ZNF469: variants seen among roughly 807,000 people sequenced by gnomAD.
The protein encoded by ZNF469 is zinc finger protein 469.
ZNF469 carries 1 observed loss-of-function variant against 1.0 expected under a neutral mutation model. The observed-to-expected ratio is 1.00, with a 90% CI of 0.35 to 4.73. The LOEUF (loss-of-function observed/expected upper bound fraction) is 4.73, where lower values mean the gene tolerates loss of function less well. Ranked by LOEUF, ZNF469 falls within the 30% of genes most tolerant of loss-of-function variation. The probability of loss-of-function intolerance (pLI) is 0.16; values close to 1 mark genes in which losing one functional copy is unlikely to be tolerated. For synonymous variants in ZNF469, 2,703 were observed against 2,363.4 expected, an observed-to-expected ratio of 1.14 and a Z score of -4.17; for missense variants, 6,100 against 5,356.3, an observed-to-expected ratio of 1.14 and a Z score of -4.33.
chr16:88,162,603 T>A, the ZNF469 span, among the ~76,000 whole-genome samples: 1 of 152,134 alleles, frequency 6.6e-6, no homozygotes, highest in Non-Finnish European at 1.5e-5. Flanking sequence ...TAAAAATAAA[T>A]ACACACAAAT....
chr16:88,427,974 G>T lies in ZNF469; in HGVS notation c.504G>T (p.Arg168Ser). The change falls in exon 3 of 3, where the codon AGG becomes AGT. Residue 168 changes from arginine to serine, a missense_variant. Coordinates refer to ENST00000565624, the MANE Select transcript of ZNF469 (RefSeq NM_001367624.2). ...TGAPLRPGLP[R>S]TEAQPAAEEL... ...CTCCACTCAGGCCGGGCCTCCCAAG[G>T]ACTGAGGCCCAACCCGCCGCCGAAG... 6.5e-7 allele frequency: 1 copy of T among 1,549,942 alleles called. No homozygotes were observed. Among genetic ancestry groups the T allele is most frequent in the Non-Finnish European group, 8.7e-7 (1 of 1,146,864 alleles).
intron 1 of ZNF469, among the ~76,000 whole-genome samples, chr16:88,387,953 G>T (rs1363035740): frequency 2.0e-5 from 3 of 152,204 alleles, no homozygotes; most frequent in Non-Finnish European, 4.4e-5. Context: ...TCAGAGCTCT[G>T]GGGCCAAGCT....
the ZNF469 span, among the ~76,000 whole-genome samples, chr16:88,258,792 G>A: frequency 6.6e-6 from 1 of 152,196 alleles, no homozygotes; most frequent in Non-Finnish European, 1.5e-5. Flanking sequence ...TCTGGCAGTG[G>A]GAGGTGTACA....
chr16:88,193,069 G>A, the ZNF469 span, among the ~76,000 whole-genome samples: 1 of 129,358 alleles, frequency 7.7e-6, no homozygotes, highest in Non-Finnish European at 1.7e-5. Flanking sequence ...GGTGGTGATG[G>A]TGGTGGTGGT....
the ZNF469 span, among the ~76,000 whole-genome samples, chr16:88,130,706 C>CAA: frequency 6.7e-3 from 690 of 103,402 alleles, 9 homozygotes; most frequent in African/African-American, 0.021. Context: ...AACTCTGTGT[C>CAA]AAAAAAAAAA....
At chr16:88,169,710 C>G in the ZNF469 span, among the ~76,000 whole-genome samples, 12 of 152,350 alleles carry the variant, frequency 7.9e-5, no homozygotes, top group African/African-American at 2.9e-4. The surrounding 1 kb of genome is among the most constrained non-coding windows in gnomAD (Gnocchi z 6.1). Flanking sequence ...CCGTCTGCCC[C>G]TCCGTCCCAG....
At chr16:88,198,321 G>A in the ZNF469 span, among the ~76,000 whole-genome samples, 1 of 152,232 alleles carries the variant, frequency 6.6e-6, no homozygotes, top group African/African-American at 2.4e-5. Flanking sequence ...GGACTTTGGA[G>A]CAGGGGCCTG....
At chr16:88,284,076 C>G in the ZNF469 span, among the ~76,000 whole-genome samples, 26 of 39,386 alleles carry the variant, frequency 6.6e-4, 1 homozygote, top group Non-Finnish European at 1.3e-3. Context: ...CCAGTGTGCC[C>G]GAGGTCTGCG....
intron 1 of ZNF469, among the ~76,000 whole-genome samples, chr16:88,385,857 G>A (rs2092535720): frequency 1.3e-5 from 2 of 152,144 alleles, no homozygotes. Context: ...GGGACGGGCT[G>A]GTGTGTGGAG....
intron 1 of ZNF469, among the ~76,000 whole-genome samples, chr16:88,411,880 T>G (rs1311659597): frequency 2.4e-5 from 2 of 84,636 alleles, no homozygotes; most frequent in East Asian, 7.3e-4. Flanking sequence ...CCTTCAGCAT[T>G]CTGGGGGCCT....
the ZNF469 span, among the ~76,000 whole-genome samples, chr16:88,148,855 G>C: frequency 5.3e-5 from 8 of 152,160 alleles, no homozygotes; most frequent in African/African-American, 1.9e-4. Context: ...GTGTGGCCAT[G>C]ACCTCTTGTG....
At chr16:88,309,297 G>A in the ZNF469 span, among the ~76,000 whole-genome samples, 1 of 152,256 alleles carries the variant, frequency 6.6e-6, no homozygotes, top group African/African-American at 2.4e-5. Flanking sequence ...GTGGTGGCCA[G>A]CCCTACAGGG....
At chr16:88,325,049 T>C in the ZNF469 span, among the ~76,000 whole-genome samples, 1 of 152,006 alleles carries the variant, frequency 6.6e-6, no homozygotes, top group Non-Finnish European at 1.5e-5. Flanking sequence ...GGAGGTGCCC[T>C]TGGGAAATAT....
the ZNF469 span, among the ~76,000 whole-genome samples, chr16:88,146,353 T>C: frequency 6.6e-6 from 1 of 152,118 alleles, no homozygotes; most frequent in African/African-American, 2.4e-5. Flanking sequence ...GCCTGCTCCA[T>C]TTATTAAATC....
chr16:88,265,538 G>A, the ZNF469 span, among the ~76,000 whole-genome samples: 1 of 152,214 alleles, frequency 6.6e-6, no homozygotes, highest in Non-Finnish European at 1.5e-5. Flanking sequence ...ATCCGGCGGG[G>A]CCGGGTGCGT....
At chr16:88,106,895 CCAGCCT>C in the ZNF469 span, among the ~76,000 whole-genome samples, 7,376 of 152,318 alleles carry the variant, frequency 0.048, 572 homozygotes, top group African/African-American at 0.17. Context: ...GGCAGCAACG[CCAGCCT>C]CTCCAGGGTG....
chr16:88,433,396 G>C lies in ZNF469; in HGVS notation c.5926G>C (p.Gly1976Arg). 7 of 1,550,354 alleles carry C rather than the reference G, an allele frequency of 4.5e-6. No homozygotes were observed. Among genetic ancestry groups the C allele is most frequent in the Non-Finnish European group, 6.1e-6 (7 of 1,146,952 alleles). The part of the protein sequence containing the change: ...TLPAVAGHQL[G>R]LEADGHWGLL... Reference sequence around the variant, plus strand: ...CCCTGCAGTGGCCGGACATCAGCTGGGGCTGGAGGCAGATGGACATTGGGG... The same window carrying C: ...CCCTGCAGTGGCCGGACATCAGCTGCGGCTGGAGGCAGATGGACATTGGGG... Residue 1976 changes from glycine (G) to arginine (R), a missense_variant, in exon 3 of 3, where the codon GGG becomes CGG. Coordinates refer to ENST00000565624, the MANE Select transcript of ZNF469 (RefSeq NM_001367624.2).
At chr16:88,218,825 A>C in the ZNF469 span, among the ~76,000 whole-genome samples, 21 of 151,172 alleles carry the variant, frequency 1.4e-4, no homozygotes, top group African/African-American at 5.1e-4. Flanking sequence ...AGGAAGTCAA[A>C]TTGTCCCTGT....
chr16:88,403,139 G>A (rs1278714811), intron 1 of ZNF469, among the ~76,000 whole-genome samples: 1 of 152,180 alleles, frequency 6.6e-6, no homozygotes, highest in African/African-American at 2.4e-5. Flanking sequence ...GGTGGAGGCC[G>A]AGTGCGGTTG....
Sources: gnomAD v4.1 joint callset for allele counts (sites outside exome capture counted in the v4.1 genomes callset) on GRCh38, gnomAD v4.1.1 for gene constraint, Gnocchi (gnomAD v3.1) non-coding constraint, MANE v1.5 for transcripts, NCBI Gene and HGNC (gene_info 2026-07-23, HGNC 2026-07-21) for gene names.